The following NKAIN2 variants were observed in gnomAD, a reference collection of about 807,000 sequenced individuals.
The protein encoded by NKAIN2 is sodium/potassium-transporting ATPase subunit beta-1-interacting protein 2.
Under a neutral mutation model 32.6 loss-of-function variants are expected in NKAIN2, and 14 were observed. That is an observed-to-expected ratio of 0.43 (90% CI 0.28 to 0.67). The LOEUF is 0.67. Among genes scored for constraint, NKAIN2 ranks in the 30% least tolerant of loss-of-function variants. NKAIN2 has a pLI of 0.17. For missense variants in NKAIN2, 198 were observed against 258.3 expected, an observed-to-expected ratio of 0.77 and a Z score of 1.60; for synonymous variants, 80 against 87.2, an observed-to-expected ratio of 0.92 and a Z score of 0.46.
intron 1 of NKAIN2, among the ~76,000 whole-genome samples, chr6:123,814,946 G>A (rs951276703): frequency 2.0e-5 from 3 of 152,192 alleles, no homozygotes; most frequent in Non-Finnish European, 2.9e-5. Context: ...AAAAGTGAAT[G>A]AAGTAATGAA....
chr6:124,243,331 C>G (rs1465107571), intron 1 of NKAIN2, among the ~76,000 whole-genome samples: 1 of 151,832 alleles, frequency 6.6e-6, no homozygotes, highest in African/African-American at 2.4e-5. Flanking sequence ...TCCATCTCTA[C>G]TAAAAACACA....
intron 1 of NKAIN2, among the ~76,000 whole-genome samples, chr6:124,239,861 A>C (rs2114767200): frequency 6.6e-6 from 1 of 152,306 alleles, no homozygotes; most frequent in East Asian, 1.9e-4. Flanking sequence ...AAACAAATTC[A>C]AAAGCTAGCA....
rs1784620183 is a variant in NKAIN2, at chr6:124,658,400, G to GCCAA, written c.474+17_474+20dup. On this transcript the variant is annotated intron_variant, in intron 4 of 6. Transcript: ENST00000368417. ...ATTGTCCTCGCAGTAAGTGTTGGCA[G>GCCAA]CCAACCGCTCCTTCTAGTGCCTCTG... is the stretch of plus-strand genomic sequence containing the variant. 3 of 1,613,954 alleles carry GCCAA rather than the reference G, an allele frequency of 1.9e-6. No homozygotes were observed. The African/African-American group carries it at 4.0e-5, about 22-fold the overall frequency.
In NKAIN2 at chr6:124,658,376, T is replaced by C. The variant is rs746830480; in HGVS notation, c.464T>C (p.Ile155Thr). ...YIEVAHSSLQ[I>T]VLALAGFIYA... ...GAAGTGGCTCATAGTTCCCTCCAGA[T>C]TGTCCTCGCAGTAAGTGTTGGCAGC... The change falls in exon 4 of 7, where the codon ATT becomes ACT. Residue 155 changes from isoleucine to threonine, a missense_variant. Physicochemically the swap from Ile to Thr is moderately conservative, Grantham distance 89 (BLOSUM62 -1). Transcript: ENST00000368417. 9.3e-6 allele frequency: 15 copies of C among 1,614,142 alleles called. No homozygotes were observed. In the Admixed American group the frequency reaches 2.2e-4, roughly 23 times the overall value.
intron 1 of NKAIN2, among the ~76,000 whole-genome samples, chr6:124,146,098 T>G (rs1029782606): frequency 6.6e-6 from 1 of 152,186 alleles, no homozygotes; most frequent in African/African-American, 2.4e-5. Context: ...AATGTTACCT[T>G]TAAGATAAAG....
At chr6:124,497,553 A>G (rs1177496961) in intron 3 of NKAIN2, among the ~76,000 whole-genome samples, 1 of 152,148 alleles carries the variant, frequency 6.6e-6, no homozygotes, top group African/African-American at 2.4e-5. Flanking sequence ...CCTATAAATC[A>G]GTAACAAAAA....
chr6:124,256,048 C>T (rs1487806394), intron 1 of NKAIN2, among the ~76,000 whole-genome samples: 1 of 152,168 alleles, frequency 6.6e-6, no homozygotes, highest in African/African-American at 2.4e-5. Context: ...AATTAAATCA[C>T]TCTCTTACAA....
intron 1 of NKAIN2, among the ~76,000 whole-genome samples, chr6:123,832,972 A>G (rs1001120189): frequency 1.3e-5 from 2 of 152,122 alleles, no homozygotes; most frequent in Non-Finnish European, 2.9e-5. Flanking sequence ...AGTCTACCTT[A>G]TCGATTTATT....
Position 124,687,743 on chromosome 6 carries a change from TAC to T in NKAIN2, c.474+29395_474+29396del, listed in dbSNP as rs373594549. On this transcript the variant is annotated intron_variant, in intron 4 of 6. Coordinates refer to ENST00000368417, the MANE Select transcript of NKAIN2 (RefSeq NM_001040214.3). ...ATATAATATAAATATATATGATATATACACACACACACACACACACACACACA... is the reference window on the plus strand; with the variant it reads ...ATATAATATAAATATATATGATATATACACACACACACACACACACACACA... 2.2e-3 allele frequency among the ~76,000 whole-genome samples: 226 copies of T among 104,366 alleles called. 4 individuals are homozygous for T. The highest frequency in any genetic ancestry group is 6.8e-3 in the South Asian group (21 of 3,080). The allele number at this position is 104,366 out of a possible 152,430, so 68.5% of individuals were successfully genotyped here.
chr6:124,073,519 C>T (rs1783552538), intron 1 of NKAIN2, among the ~76,000 whole-genome samples: 1 of 152,062 alleles, frequency 6.6e-6, no homozygotes, highest in African/African-American at 2.4e-5. Context: ...TGTGAGAGTT[C>T]TACAAAGAGT....
At chr6:124,684,682 T>C (rs1045243093) in intron 4 of NKAIN2, among the ~76,000 whole-genome samples, 1 of 152,142 alleles carries the variant, frequency 6.6e-6, no homozygotes, top group African/African-American at 2.4e-5. Context: ...ACACAGAGTC[T>C]TTACACAATG....
chr6:123,883,080 G>A (rs570094387), intron 1 of NKAIN2, among the ~76,000 whole-genome samples: 1 of 152,166 alleles, frequency 6.6e-6, no homozygotes, highest in East Asian at 1.9e-4. Flanking sequence ...TGGAAGAGGG[G>A]CTTGGTGGGA....
intron 1 of NKAIN2, among the ~76,000 whole-genome samples, chr6:124,180,130 T>C (rs1214449112): frequency 6.6e-6 from 1 of 152,086 alleles, no homozygotes. Context: ...TGTGTGTGTA[T>C]GTATCCAGAT....
chr6:123,948,597 ATTTTTTTTTTTTT>A (rs71021472), intron 1 of NKAIN2, among the ~76,000 whole-genome samples: 17 of 49,314 alleles, frequency 3.4e-4, no homozygotes, highest in Non-Finnish European at 5.3e-4. Flanking sequence ...CTTAAATGGG[ATTTTTTTTTTTTT>A]TTTTTTTTTT....
At chr6:123,876,666 T>G (rs1248465099) in intron 1 of NKAIN2, among the ~76,000 whole-genome samples, 1 of 152,194 alleles carries the variant, frequency 6.6e-6, no homozygotes, top group Non-Finnish European at 1.5e-5. Context: ...ACTGATACTT[T>G]CAGCTCAAGC....
chr6:124,268,874 C>G (rs1794623093), intron 1 of NKAIN2, among the ~76,000 whole-genome samples: 1 of 152,032 alleles, frequency 6.6e-6, no homozygotes, highest in Admixed American at 6.6e-5. Flanking sequence ...TCAAGTTAAT[C>G]TTTCTCTCTG....
intron 4 of NKAIN2, among the ~76,000 whole-genome samples, chr6:124,745,330 A>G (rs982416946): frequency 2.6e-5 from 4 of 151,922 alleles, no homozygotes; most frequent in South Asian, 4.1e-4. Flanking sequence ...CAGTTTGTCC[A>G]TCACCTAGTG....
At chr6:123,979,437 T>C (rs1252777233) in intron 1 of NKAIN2, among the ~76,000 whole-genome samples, 4 of 152,200 alleles carry the variant, frequency 2.6e-5, no homozygotes, top group Non-Finnish European at 5.9e-5. Context: ...CTAAGAGTTC[T>C]TGGACATCAC....
chr6:124,312,199 A>G (rs149047716), intron 2 of NKAIN2, among the ~76,000 whole-genome samples: 10 of 152,296 alleles, frequency 6.6e-5, no homozygotes, highest in Non-Finnish European at 1.5e-4. Context: ...TTACACCACA[A>G]CAATCAGCAT....
Sources: gnomAD v4.1 joint callset for allele counts (sites outside exome capture counted in the v4.1 genomes callset) on GRCh38, gnomAD v4.1.1 for gene constraint, MANE v1.5 for transcripts, NCBI Gene and HGNC (gene_info 2026-07-23, HGNC 2026-07-21) for gene names.